Variants in LRP1B observed in about 807,000 individuals in gnomAD.
LRP1B encodes the protein low-density lipoprotein receptor-related protein 1B.
Under a neutral mutation model 556.6 loss-of-function variants are expected in LRP1B, and 217 were observed. The ratio of observed to expected loss-of-function variants is 0.39; its 90% CI spans 0.35 to 0.44. The LOEUF (loss-of-function observed/expected upper bound fraction) is 0.44, where lower values mean the gene tolerates loss of function less well. Among genes scored for constraint, LRP1B ranks in the 20% least tolerant of loss-of-function variants. LRP1B has a pLI of 1.00. For missense variants in LRP1B, 5,053 were observed against 5,620.8 expected (o/e 0.90, Z 3.23); for synonymous variants, 2,047 against 1,865.8 (o/e 1.10, Z -2.50).
At chr2:141,554,232 A>G (rs1685875240) in intron 2 of LRP1B, among the ~76,000 whole-genome samples, 1 of 145,962 alleles carries the variant, frequency 6.9e-6, no homozygotes, top group African/African-American at 2.5e-5. Context: ...TATAGATTAT[A>G]TATATCTATA....
chr2:140,850,033 A>C (rs1692408951), intron 29 of LRP1B, 69 bp downstream of exon 29: 3 of 998,352 alleles, frequency 3.0e-6, no homozygotes, highest in South Asian at 3.0e-5. Context: ...AAAGAATATA[A>C]AAGATTTGTG....
intron 1 of LRP1B, among the ~76,000 whole-genome samples, chr2:141,832,008 G>A (rs1697126932): frequency 6.6e-6 from 1 of 151,524 alleles, no homozygotes; most frequent in Non-Finnish European, 1.5e-5. Context: ...TAGTACTGGA[G>A]CCTTGACCAA....
intron 35 of LRP1B, among the ~76,000 whole-genome samples, chr2:140,752,821 TATCAAA>T (rs1573668345): frequency 6.6e-6 from 1 of 152,214 alleles, no homozygotes; most frequent in East Asian, 1.9e-4. Flanking sequence ...CCTCTCTCAC[TATCAAA>T]ATCCCACACC....
At chr2:141,764,023 G>C (rs1694649426) in intron 2 of LRP1B, among the ~76,000 whole-genome samples, 1 of 152,076 alleles carries the variant, frequency 6.6e-6, no homozygotes, top group African/African-American at 2.4e-5. Flanking sequence ...TTTATAATAA[G>C]ATAAAAGTTC....
intron 5 of LRP1B, among the ~76,000 whole-genome samples, chr2:141,239,351 G>T (rs1683778497): frequency 6.6e-6 from 1 of 152,120 alleles, no homozygotes; most frequent in South Asian, 2.1e-4. Context: ...TTAAAGAGCA[G>T]AGCAAAGGAA....
At chr2:141,621,390 A>G (rs1185287694) in intron 2 of LRP1B, among the ~76,000 whole-genome samples, 1 of 152,200 alleles carries the variant, frequency 6.6e-6, no homozygotes, top group Non-Finnish European at 1.5e-5. Flanking sequence ...TTGATAAGAC[A>G]GAAAATACCA....
chr2:141,103,605 C>T (rs1402573968), intron 7 of LRP1B, among the ~76,000 whole-genome samples: 1 of 149,290 alleles, frequency 6.7e-6, no homozygotes, highest in Admixed American at 6.7e-5. Flanking sequence ...ACCTATTTAC[C>T]AGTAGCTATG....
chr2:141,082,040 C>T (rs1361982211), intron 7 of LRP1B, among the ~76,000 whole-genome samples: 1 of 151,964 alleles, frequency 6.6e-6, no homozygotes, highest in Non-Finnish European at 1.5e-5. Flanking sequence ...AAAATATGAT[C>T]TAGTCATGAC....
At chr2:141,450,575 T>A (rs73963085) in intron 3 of LRP1B, among the ~76,000 whole-genome samples, 4,681 of 150,074 alleles carry the variant, frequency 0.031, 245 homozygotes, top group African/African-American at 0.11. Context: ...TGCCATATTT[T>A]AAAAAAAAAT....
intron 3 of LRP1B, among the ~76,000 whole-genome samples, chr2:141,256,576 G>C (rs963939210): frequency 6.6e-6 from 1 of 152,036 alleles, no homozygotes; most frequent in Non-Finnish European, 1.5e-5. Context: ...AGCTATCTAA[G>C]TGACTAGGAA....
intron 18 of LRP1B, among the ~76,000 whole-genome samples, chr2:140,974,160 A>G (rs1696519570): frequency 6.6e-6 from 1 of 152,176 alleles, no homozygotes; most frequent in Non-Finnish European, 1.5e-5. Context: ...TAGAATACTT[A>G]GGAAGGCAGA....
chr2:141,252,191 A>T (rs1217096985), intron 4 of LRP1B, among the ~76,000 whole-genome samples: 3 of 119,596 alleles, frequency 2.5e-5, no homozygotes, highest in African/African-American at 9.5e-5. Context: ...TCTCACCCCC[A>T]CCACCCCCCA....
intron 41 of LRP1B, among the ~76,000 whole-genome samples, chr2:140,659,185 A>G (rs1315793326): frequency 2.8e-5 from 4 of 144,430 alleles, no homozygotes; most frequent in African/African-American, 5.2e-5. Context: ...TCTGTTTTCA[A>G]TGAGCATGAA....
intron 7 of LRP1B, among the ~76,000 whole-genome samples, chr2:141,184,501 C>T (rs191723440): frequency 2.0e-4 from 30 of 151,940 alleles, no homozygotes; most frequent in Middle Eastern, 3.4e-3. Context: ...AGAAACTGAA[C>T]GCACAGGCCT....
chr2:141,193,274 C>A (rs1429012912), intron 6 of LRP1B, among the ~76,000 whole-genome samples: 1 of 151,978 alleles, frequency 6.6e-6, no homozygotes, highest in African/African-American at 2.4e-5. Context: ...GATAAAGACA[C>A]AAGCACTTGA....
At chr2:141,235,653 G>A (rs1163249632) in intron 5 of LRP1B, among the ~76,000 whole-genome samples, 2 of 152,018 alleles carry the variant, frequency 1.3e-5, no homozygotes, top group African/African-American at 4.8e-5. Flanking sequence ...TTTTCTGCAG[G>A]GTACAACACG....
Position 140,356,475 on chromosome 2 carries a change from A to T in LRP1B, c.11397T>A (p.Ala3799=), listed in dbSNP as rs2105130595. Residue 3799 remains alanine, a splice_region_variant and synonymous_variant, in exon 75 of 91, where the codon GCT becomes GCA. Transcript: ENST00000389484. The part of the protein sequence containing the change: ...DGSDEQGCRI[A]PTEYTCEDNV... ...TATCTTCACAGGTATATTCAGTAGG[A>T]GCTGGGATTTAAAAATATGATCAAA... 3 of 1,588,802 alleles carry T rather than the reference A, an allele frequency of 1.9e-6. No homozygotes were observed. Among genetic ancestry groups the T allele is most frequent in the Non-Finnish European group, 2.6e-6 (3 of 1,166,532 alleles).
intron 3 of LRP1B, among the ~76,000 whole-genome samples, chr2:141,344,650 T>A (rs1688181269): frequency 6.6e-6 from 1 of 152,242 alleles, no homozygotes; most frequent in Non-Finnish European, 1.5e-5. Context: ...TTTATCTATT[T>A]ATTTTCTGTC....
At chr2:142,047,093 C>A (rs925479513) in intron 1 of LRP1B, among the ~76,000 whole-genome samples, 2 of 151,924 alleles carry the variant, frequency 1.3e-5, no homozygotes, top group African/African-American at 4.8e-5. Flanking sequence ...GAGATGGATC[C>A]TTTTTGGTGT....
Sources: allele counts gnomAD v4.1 joint callset (sites outside exome capture counted in the v4.1 genomes callset), GRCh38; gene constraint gnomAD v4.1.1; transcripts MANE v1.5; gene names NCBI Gene and HGNC (gene_info 2026-07-23, HGNC 2026-07-21).